KDR: variants seen among roughly 807,000 people sequenced by gnomAD.
KDR encodes kinase insert domain receptor.
Under a neutral mutation model 160.9 loss-of-function variants are expected in KDR, and 43 were observed. The observed-to-expected ratio is 0.27, with a 90% confidence interval of 0.21 to 0.34. The LOEUF (loss-of-function observed/expected upper bound fraction) is 0.34. Among genes scored for constraint, KDR ranks in the 10% least tolerant of loss-of-function variants. The probability of loss-of-function intolerance (pLI) is 1.00; values close to 1 mark genes in which losing one functional copy is unlikely to be tolerated. For synonymous variants in KDR, 617 were observed against 600.1 expected (o/e 1.03, Z -0.41); for missense variants, 1,469 against 1,666.4 (o/e 0.88, Z 2.06).
At chr4:55,105,970 A>G in intron 11 of KDR, 30 bp from the exon 12 acceptor site, 1 of 1,402,656 alleles carries the variant, frequency 7.1e-7, no homozygotes. Flanking sequence ...ATCCCAGGCC[A>G]TAAACAACGC....
chr4:55,098,236 T>C lies in KDR; in HGVS notation c.2410A>G (p.Ile804Val). 5 of 1,613,922 alleles carry C rather than the reference T, an allele frequency of 3.1e-6. No homozygotes were observed. Among genetic ancestry groups the C allele is most frequent in the East Asian group, 2.2e-5 (1 of 44,868 alleles). Residue 804 changes from isoleucine (I) to valine (V), a missense_variant, in exon 17 of 30, where the codon ATC becomes GTC. Coordinates refer to ENST00000263923, the MANE Select transcript of KDR (RefSeq NM_002253.4). ...GGGAGTTCATCTGGATCCATGACGA[T>C]GGACAAGTAGCCTGTCTTCAGTTCC... ...GGELKTGYLS[I>V]VMDPDELPLD...
At chr4:55,120,469 T>C (rs1720842722) in intron 2 of KDR, among the ~76,000 whole-genome samples, 1 of 152,180 alleles carries the variant, frequency 6.6e-6, no homozygotes, top group African/African-American at 2.4e-5. Context: ...TCTCCAGTTA[T>C]CAAAAATCAA....
intron 2 of KDR, among the ~76,000 whole-genome samples, chr4:55,119,213 A>C (rs1397548982): frequency 6.6e-6 from 1 of 152,150 alleles, no homozygotes; most frequent in Non-Finnish European, 1.5e-5. Flanking sequence ...CCTCAAAAAA[A>C]AAAAAACAAA....
Position 55,089,675 on chromosome 4 carries a change from A to G in KDR, c.3304+16T>C, listed in dbSNP as rs772038165. ...TCTTTGGAGTCTGGATGGAAGGACA[A>G]AAAGAAATGACTTACCTAAGGAAAA... On this transcript the variant is annotated intron_variant, in intron 24 of 29. Coordinates refer to ENST00000263923, the MANE Select transcript of KDR (RefSeq NM_002253.4). The G allele has an allele frequency of 1.7e-5, 28 of 1,606,032 alleles. No individual in the cohort carries two copies. The highest frequency in any genetic ancestry group is 2.2e-5 in the Non-Finnish European group (26 of 1,172,880).
At position 55,089,977 on chromosome 4, in the gene KDR, T is replaced by C; in HGVS notation, c.3171A>G (p.Pro1057=). The C allele has an allele frequency of 2.5e-6, 4 of 1,614,166 alleles. No individual in the cohort carries two copies. The highest frequency in any genetic ancestry group is 3.4e-6 in the Non-Finnish European group (4 of 1,179,974). Residue 1057 remains proline, a synonymous_variant, in exon 23 of 30, where the codon CCA becomes CCG. Coordinates refer to ENST00000263923, the MANE Select transcript of KDR (RefSeq NM_002253.4). ...TTACATCTCCTTTTCTGACATAATC[T>C]GGATCTTTATAAATATCCCGGGCCA... ...FGLARDIYKD[P]DYVRKGDARL... is the part of the protein sequence containing the mutation.
chr4:55,099,562 T>C (rs1720258220), intron 15 of KDR, among the ~76,000 whole-genome samples: 1 of 152,232 alleles, frequency 6.6e-6, no homozygotes. Flanking sequence ...AATATTTTGA[T>C]CTGTGCAGAG....
At chr4:55,123,760 T>C (rs989192679) in intron 1 of KDR, among the ~76,000 whole-genome samples, 1 of 152,194 alleles carries the variant, frequency 6.6e-6, no homozygotes, top group Admixed American at 6.5e-5. Flanking sequence ...CCAATATTAA[T>C]TAATTTGTGC....
At chr4:55,109,359 A>G (rs1392341763) in intron 9 of KDR, among the ~76,000 whole-genome samples, 1 of 152,146 alleles carries the variant, frequency 6.6e-6, no homozygotes, top group Non-Finnish European at 1.5e-5. Flanking sequence ...CTGGGATTAC[A>G]GATGCAAACC....
At chr4:55,115,516 G>T (rs41477053) in intron 3 of KDR, 105 bp from the exon 4 acceptor site, 149,756 of 693,000 alleles carry the variant, frequency 0.22, 20,233 homozygotes, top group East Asian at 0.48. Context: ...TGACTGGAAG[G>T]GACACCTCAC....
At chr4:55,101,855 T>A (rs1412386292) in intron 15 of KDR, 42 bp downstream of exon 15, 1 of 1,525,386 alleles carries the variant, frequency 6.6e-7, no homozygotes, top group Admixed American at 1.7e-5. Context: ...TGCATAGCAT[T>A]CCATGGTGTA....
intron 14 of KDR, 76 bp from the exon 15 acceptor site, chr4:55,102,104 T>C (rs1200837938): frequency 6.3e-7 from 1 of 1,585,684 alleles, no homozygotes; most frequent in Non-Finnish European, 8.6e-7. Context: ...ATTTAGAAAA[T>C]ATAAATGCTG....
chr4:55,100,789 T>C (rs978543343), intron 15 of KDR, among the ~76,000 whole-genome samples: 1 of 152,138 alleles, frequency 6.6e-6, no homozygotes, highest in Non-Finnish European at 1.5e-5. Flanking sequence ...AGAGACAAGT[T>C]AGGATGAGTT....
rs541595548 is a variant in KDR, at chr4:55,102,858, C to T, written c.1988-350G>A. 7.9e-5 allele frequency among the ~76,000 whole-genome samples: 12 copies of T among 152,248 alleles called. No individual in the cohort carries two copies. The South Asian group carries it at 2.3e-3, about 29-fold the overall frequency. Reference sequence around the variant, plus strand: ...TCTAGTCAATAATACCCTAGAATCCCTTCAAATTTCTCTTGGAAGTGCCAA... The same window carrying T: ...TCTAGTCAATAATACCCTAGAATCCTTTCAAATTTCTCTTGGAAGTGCCAA... On this transcript the variant is annotated intron_variant, in intron 13 of 29. Coordinates refer to ENST00000263923, the MANE Select transcript of KDR (RefSeq NM_002253.4).
chr4:55,110,846 C>T (rs1055195716), intron 7 of KDR, 78 bp from the exon 8 acceptor site: 43 of 1,188,040 alleles, frequency 3.6e-5, no homozygotes, highest in Non-Finnish European at 5.1e-5. Context: ...TCAAGTGAAA[C>T]GTCAAAGACC....
chr4:55,110,931 C>T (rs555384772), intron 7 of KDR, among the ~76,000 whole-genome samples, 163 bp from the exon 8 acceptor site: 2 of 152,234 alleles, frequency 1.3e-5, no homozygotes, highest in Non-Finnish European at 2.9e-5. Context: ...GCTTCTCCCA[C>T]ACCTCCCGTG....
Position 55,089,357 on chromosome 4 carries a change from A to T in KDR, c.3404+17T>A, listed in dbSNP as rs1267267996. On this transcript the variant is annotated intron_variant, in intron 25 of 29. Transcript: ENST00000263923. ...GAGCAAAGAAAGAGAACACAGGAAT[A>T]CTTCTTAAAGTCTTACATTTCTGGT... 9 of 1,554,928 alleles carry T rather than the reference A, an allele frequency of 5.8e-6. No homozygotes were observed. The highest frequency in any genetic ancestry group is 6.2e-6 in the Non-Finnish European group (7 of 1,127,706).
chr4:55,078,511 G>A lies in KDR; in HGVS notation c.*1430C>T. 4.3e-6 allele frequency: 1 copy of A among 232,346 alleles called. No individual in the cohort carries two copies. Among genetic ancestry groups the A allele is most frequent in the Non-Finnish European group, 8.5e-6 (1 of 117,512 alleles). The allele number at this position is 232,346 out of a possible 1,614,324, so 14.4% of individuals were successfully genotyped here. On this transcript the variant is annotated 3_prime_UTR_variant, in exon 30 of 30. Coordinates refer to ENST00000263923, the MANE Select transcript of KDR (RefSeq NM_002253.4). ...GTTTTTCAATGTTCTTTAATAAAAT[G>A]ACATCAATTGCTGAAAGCATTATGA... is the stretch of plus-strand genomic sequence containing the variant.
chr4:55,089,848 T>C lies in KDR; in HGVS notation c.3193-46A>G, dbSNP rs767152244. On this transcript the variant is annotated intron_variant, in intron 23 of 29. Coordinates refer to ENST00000263923, the MANE Select transcript of KDR (RefSeq NM_002253.4). ...GATTCAGAACCCAAATTAGCAAATA[T>C]CTGAAGAAAAAAACTTCCTCTGTTC... 3 of 1,607,286 alleles carry C rather than the reference T, an allele frequency of 1.9e-6. No individual in the cohort carries two copies. The South Asian group carries it at 3.3e-5, about 18-fold the overall frequency.
At chr4:55,091,152 C>T (rs1318228341) in intron 22 of KDR, among the ~76,000 whole-genome samples, 2 of 152,126 alleles carry the variant, frequency 1.3e-5, no homozygotes, top group Non-Finnish European at 2.9e-5. Context: ...CACACCTGGC[C>T]AAAAGGAGAA....
Sources: gnomAD v4.1 joint callset for allele counts (sites outside exome capture counted in the v4.1 genomes callset) on GRCh38, gnomAD v4.1.1 for gene constraint, MANE v1.5 for transcripts, NCBI Gene and HGNC (gene_info 2026-07-23, HGNC 2026-07-21) for gene names.